Variants in BCAR3 observed in about 807,000 individuals in gnomAD.
BCAR3 encodes BCAR3 adaptor protein, NSP family member.
Under a neutral mutation model 80.1 loss-of-function variants are expected in BCAR3, and 37 were observed. The observed-to-expected ratio is 0.46, with a 90% CI of 0.36 to 0.61. BCAR3 has a LOEUF of 0.61. Among genes scored for constraint, BCAR3 ranks in the 20% least tolerant of loss-of-function variants. BCAR3 has a pLI of 0.00. For synonymous variants in BCAR3, 389 were observed against 418.9 expected (o/e 0.93, Z 0.87); for missense variants, 978 against 1,068.2 (o/e 0.92, Z 1.18).
chr1:93,625,014 T>A (rs1280350562), intron 3 of BCAR3, among the ~76,000 whole-genome samples: 1 of 152,054 alleles, frequency 6.6e-6, no homozygotes, highest in Non-Finnish European at 1.5e-5. Context: ...ATCAAGACCA[T>A]CCTCACTAAC....
In BCAR3 at chr1:93,811,258, T is replaced by TCTATGGGA. The variant is rs146373805; in HGVS notation, c.-63+34301_-63+34308dup. The stretch of plus-strand genomic sequence containing the variant: ...ATCCCTCAGACGTGAGAGGATAGTT[T>TCTATGGGA]CTATGGGACAGATACAGGGTCTGGG... On this transcript the variant is annotated intron_variant, in intron 2 of 13. Coordinates refer to the BCAR3 transcript ENST00000370244. Among the ~76,000 whole-genome samples the TCTATGGGA allele has an allele frequency of 9.0e-3, 1,364 of 152,204 alleles. 22 individuals carry two copies. The highest frequency in any genetic ancestry group is 0.031 in the African/African-American group (1,268 of 41,492).
At chr1:93,846,931 C>T (rs956729398) in intron 1 of BCAR3, 2 of 448,482 alleles carry the variant, frequency 4.5e-6, no homozygotes, top group Admixed American at 2.5e-5. Context: ...GTTTTTCGAA[C>T]CCCGCGCAAA....
At chr1:93,751,171 G>A (rs556156594) in intron 2 of BCAR3, among the ~76,000 whole-genome samples, 19 of 152,132 alleles carry the variant, frequency 1.2e-4, no homozygotes, top group Non-Finnish European at 2.8e-4. Flanking sequence ...AAGACCAAGG[G>A]GCTAACAACT....
chr1:93,693,919 G>A (rs1279387799), intron 3 of BCAR3, among the ~76,000 whole-genome samples: 1 of 152,212 alleles, frequency 6.6e-6, no homozygotes, highest in African/African-American at 2.4e-5. Flanking sequence ...TCTTGCTTGA[G>A]CCCCTGAGCA....
chr1:93,726,073 T>A (rs1009585308), intron 2 of BCAR3, among the ~76,000 whole-genome samples: 10 of 152,104 alleles, frequency 6.6e-5, no homozygotes, highest in African/African-American at 2.4e-4. Context: ...TTTTTTTTGT[T>A]TTTTTGTTTT....
chr1:93,841,870 A>T (rs181637052), intron 2 of BCAR3, among the ~76,000 whole-genome samples: 2 of 152,288 alleles, frequency 1.3e-5, no homozygotes, highest in African/African-American at 4.8e-5. Context: ...CCTTTTAAAC[A>T]CTGTGCACTG....
intron 2 of BCAR3, among the ~76,000 whole-genome samples, chr1:93,779,556 G>A (rs1321954370): frequency 6.6e-6 from 1 of 152,160 alleles, no homozygotes; most frequent in Non-Finnish European, 1.5e-5. Context: ...CTCTTTGAGG[G>A]AAACTTGGTT....
upstream of BCAR3, among the ~76,000 whole-genome samples, chr1:93,684,036 G>A (rs1648890093): frequency 1.3e-5 from 2 of 152,142 alleles, no homozygotes; most frequent in African/African-American, 2.4e-5. Flanking sequence ...TTTAGAATGA[G>A]TACCTTTCGC....
intron 2 of BCAR3, among the ~76,000 whole-genome samples, chr1:93,815,750 A>G: frequency 6.6e-6 from 1 of 152,256 alleles, no homozygotes; most frequent in East Asian, 1.9e-4. Flanking sequence ...GATGCGCTAT[A>G]CACCAACAGA....
At chr1:93,748,908 C>G (rs935689352) in intron 2 of BCAR3, among the ~76,000 whole-genome samples, 7 of 152,150 alleles carry the variant, frequency 4.6e-5, no homozygotes, top group African/African-American at 1.7e-4. Context: ...CCAGAATGCC[C>G]AACACAATGC....
At chr1:93,604,125 T>C (rs920212275) in intron 3 of BCAR3, among the ~76,000 whole-genome samples, 1 of 152,250 alleles carries the variant, frequency 6.6e-6, no homozygotes, top group Non-Finnish European at 1.5e-5. Context: ...TATCACACTG[T>C]AGACCAAATG....
chr1:93,692,228 T>C (rs1455309296), intron 3 of BCAR3, among the ~76,000 whole-genome samples: 1 of 152,146 alleles, frequency 6.6e-6, no homozygotes, highest in Non-Finnish European at 1.5e-5. Flanking sequence ...TTTGGCCCTT[T>C]CCTCTCTGGT....
chr1:93,567,435 T>TCACAAGC lies in BCAR3; in HGVS notation c.2136_2142dup (p.Thr715AlafsTer13). 1 of 1,614,198 alleles carries TCACAAGC rather than the reference T, an allele frequency of 6.2e-7. No individual in the cohort carries two copies. The highest frequency in any genetic ancestry group is 8.5e-7 in the Non-Finnish European group (1 of 1,180,036). On this transcript the variant is annotated frameshift_variant, in exon 11 of 12. Coordinates refer to ENST00000260502, the MANE Select transcript of BCAR3 (RefSeq NM_003567.4). LOFTEE classifies it high-confidence loss of function. ...GTCACAGCCTGGCGCTCCATTAACG[T>TCACAAGC]CACAAGCGGCATCAGCAGTGGGACT...
intron 3 of BCAR3, among the ~76,000 whole-genome samples, chr1:93,620,154 G>A (rs1463195994): frequency 6.6e-6 from 1 of 152,168 alleles, no homozygotes; most frequent in African/African-American, 2.4e-5. Context: ...CTGTAGCCAC[G>A]AGAAGAGAGT....
At chr1:93,610,260 T>A (rs1359345114) in intron 3 of BCAR3, among the ~76,000 whole-genome samples, 1 of 152,234 alleles carries the variant, frequency 6.6e-6, no homozygotes, top group Non-Finnish European at 1.5e-5. Context: ...GTGACTTCTC[T>A]GACCATGTCA....
chr1:93,653,227 A>G (rs958637565), intron 2 of BCAR3, among the ~76,000 whole-genome samples: 4 of 152,258 alleles, frequency 2.6e-5, no homozygotes, highest in Non-Finnish European at 5.9e-5. Context: ...ATTGCCAAAC[A>G]AATGTTTTTA....
chr1:93,773,140 G>C (rs557024183), intron 2 of BCAR3, among the ~76,000 whole-genome samples: 67 of 152,320 alleles, frequency 4.4e-4, no homozygotes, highest in South Asian at 2.3e-3. Flanking sequence ...CCCAAAGGCA[G>C]GGAGAGAGGA....
intron 2 of BCAR3, among the ~76,000 whole-genome samples, chr1:93,713,282 A>G (rs568963419): frequency 6.6e-6 from 1 of 152,336 alleles, no homozygotes; most frequent in Non-Finnish European, 1.5e-5. Context: ...AGTGAAAGGT[A>G]GATGGGGAGA....
intron 2 of BCAR3, among the ~76,000 whole-genome samples, chr1:93,661,401 C>T (rs1403315225): frequency 6.6e-6 from 1 of 151,786 alleles, no homozygotes; most frequent in East Asian, 1.9e-4. Context: ...AGGCTGGTCT[C>T]GAACTCCTGA....
Sources: allele counts gnomAD v4.1 joint callset (sites outside exome capture counted in the v4.1 genomes callset), GRCh38; gene constraint gnomAD v4.1.1; transcripts MANE v1.5; gene names NCBI Gene and HGNC (gene_info 2026-07-23, HGNC 2026-07-21).